The following CABLES1 variants were observed in gnomAD, a reference collection of about 807,000 sequenced individuals.
CABLES1 encodes Cdk5 and Abl enzyme substrate 1, also known as CDK5 and ABL1 enzyme substrate 1.
In CABLES1, 36 loss-of-function variants were observed where a neutral mutation model predicts 57.8. That is an observed-to-expected ratio of 0.62 (90% CI 0.48 to 0.82). The LOEUF is 0.82. Among genes scored for constraint, CABLES1 ranks in the 40% least tolerant of loss-of-function variants. The probability of loss-of-function intolerance (pLI) is 0.00; values close to 1 mark genes in which losing one functional copy is unlikely to be tolerated. For synonymous variants in CABLES1, 374 were observed against 363.0 expected (o/e 1.03, Z -0.35); for missense variants, 767 against 836.6 (o/e 0.92, Z 1.03).
intron 1 of CABLES1, among the ~76,000 whole-genome samples, chr18:23,139,985 T>A (rs912924968): frequency 1.3e-5 from 2 of 152,224 alleles, no homozygotes; most frequent in African/African-American, 4.8e-5. Flanking sequence ...CTAGCTTTGC[T>A]ATTTCACCAT....
chr18:23,217,602 C>T (rs1306580436), intron 4 of CABLES1, among the ~76,000 whole-genome samples: 1 of 152,142 alleles, frequency 6.6e-6, no homozygotes, highest in African/African-American at 2.4e-5. Context: ...ACCCACTTAA[C>T]CATAATTATG....
intron 1 of CABLES1, among the ~76,000 whole-genome samples, chr18:23,140,676 G>A (rs2046852475): frequency 6.6e-6 from 1 of 152,180 alleles, no homozygotes; most frequent in Admixed American, 6.5e-5. Flanking sequence ...GACCTCAGGT[G>A]ATCCACCTAC....
At chr18:23,208,692 C>T (rs2047382175) in intron 3 of CABLES1, among the ~76,000 whole-genome samples, 1 of 152,156 alleles carries the variant, frequency 6.6e-6, no homozygotes, top group Non-Finnish European at 1.5e-5. Flanking sequence ...TGTCCCTTTC[C>T]AGGGCTTCCC....
intron 1 of CABLES1, among the ~76,000 whole-genome samples, chr18:23,160,821 G>A (rs1276090762): frequency 6.6e-6 from 1 of 151,748 alleles, no homozygotes; most frequent in Non-Finnish European, 1.5e-5. Context: ...ATCACTTGAG[G>A]TCAGGAGTTT....
chr18:23,233,111 A>C (rs568446132), intron 4 of CABLES1, among the ~76,000 whole-genome samples: 1 of 152,324 alleles, frequency 6.6e-6, no homozygotes, highest in Admixed American at 6.5e-5. Context: ...ACTGGATGTC[A>C]GAACATGAAG....
intron 3 of CABLES1, among the ~76,000 whole-genome samples, chr18:23,196,426 C>A (rs1169150863): frequency 6.6e-6 from 1 of 152,040 alleles, no homozygotes; most frequent in Non-Finnish European, 1.5e-5. Flanking sequence ...GGTTTATTAG[C>A]AAGGAGGGAT....
intron 1 of CABLES1, among the ~76,000 whole-genome samples, chr18:23,181,844 CTG>C (rs1255136736): frequency 6.6e-6 from 1 of 152,212 alleles, no homozygotes; most frequent in East Asian, 1.9e-4. Flanking sequence ...TGTCTTGTGA[CTG>C]TGTTAATAAG....
intron 3 of CABLES1, among the ~76,000 whole-genome samples, chr18:23,203,137 C>G (rs1005462086): frequency 6.6e-6 from 1 of 152,138 alleles, no homozygotes; most frequent in Admixed American, 6.5e-5. Context: ...ACAGAGCCCT[C>G]GTTTCATGTG....
chr18:23,187,566 T>G (rs1432438556), intron 1 of CABLES1, among the ~76,000 whole-genome samples: 1 of 152,224 alleles, frequency 6.6e-6, no homozygotes, highest in Non-Finnish European at 1.5e-5. Context: ...TTTGTATTTT[T>G]AGTAAAGACA....
chr18:23,174,043 T>A (rs934375953), intron 1 of CABLES1, among the ~76,000 whole-genome samples: 5 of 152,236 alleles, frequency 3.3e-5, no homozygotes, highest in African/African-American at 1.2e-4. Flanking sequence ...CACCACTATC[T>A]AATTTTAGAA....
chr18:23,162,258 C>A lies in CABLES1; in HGVS notation c.845+25651C>A, dbSNP rs111610254. On this transcript the variant is annotated intron_variant, in intron 1 of 9. Transcript: ENST00000256925. ...CATAAAGGCCTACAATTTTAAAGTA[C>A]CAAGAAAACTTCAAGAAATTGTTCG... is the stretch of plus-strand genomic sequence containing the variant. 9.5e-3 allele frequency among the ~76,000 whole-genome samples: 1,443 copies of A among 152,040 alleles called. 19 individuals are homozygous for A. Among genetic ancestry groups the A allele is most frequent in the African/African-American group, 0.034 (1,394 of 41,450 alleles).
At chr18:23,248,512 C>CTTTTTTTTTTTTTTTTTTT (rs59555750) in intron 7 of CABLES1, among the ~76,000 whole-genome samples, 3 of 90,714 alleles carry the variant, frequency 3.3e-5, no homozygotes, top group Non-Finnish European at 6.4e-5. Context: ...GACCCTATGT[C>CTTTTTTTTTTTTTTTTTTT]TTTTTTTTTT....
At chr18:23,151,343 G>A (rs1484563889) in intron 1 of CABLES1, among the ~76,000 whole-genome samples, 3 of 152,280 alleles carry the variant, frequency 2.0e-5, no homozygotes, top group South Asian at 2.1e-4. Flanking sequence ...TTAAGGTCCC[G>A]CTAACTGCCA....
At chr18:23,137,331 G>A (rs2046829593) in intron 1 of CABLES1, among the ~76,000 whole-genome samples, 1 of 152,186 alleles carries the variant, frequency 6.6e-6, no homozygotes, top group South Asian at 2.1e-4. Context: ...AACATGAAAC[G>A]CTGGACGTTT....
chr18:23,217,077 GTTTTTTGTTT>G (rs984718363), intron 4 of CABLES1, among the ~76,000 whole-genome samples: 1 of 151,836 alleles, frequency 6.6e-6, no homozygotes, highest in Non-Finnish European at 1.5e-5. Context: ...TTTTTGTTTT[GTTTTTTGTTT>G]TTGTTTGTTT....
chr18:23,188,555 G>T (rs1423669550), intron 1 of CABLES1, among the ~76,000 whole-genome samples: 1 of 152,112 alleles, frequency 6.6e-6, no homozygotes, highest in East Asian at 1.9e-4. Context: ...GTGTGTGTGT[G>T]TGTGTGTGTG....
At chr18:23,183,539 C>G (rs1050966495) in intron 1 of CABLES1, among the ~76,000 whole-genome samples, 1 of 152,210 alleles carries the variant, frequency 6.6e-6, no homozygotes, top group Admixed American at 6.5e-5. Context: ...GAGCATTAAG[C>G]ATGAACTCCA....
chr18:23,154,776 C>A (rs1198082895), intron 1 of CABLES1, among the ~76,000 whole-genome samples: 1 of 152,182 alleles, frequency 6.6e-6, no homozygotes, highest in Non-Finnish European at 1.5e-5. Context: ...GCTCTCTTGC[C>A]TTTTGACACG....
chr18:23,163,332 C>T (rs1182587543), intron 1 of CABLES1, among the ~76,000 whole-genome samples: 1 of 152,154 alleles, frequency 6.6e-6, no homozygotes, highest in Admixed American at 6.6e-5. Context: ...ATTGGAAAAA[C>T]AGGTTTAGGC....
Sources: gnomAD v4.1 joint callset for allele counts (sites outside exome capture counted in the v4.1 genomes callset) on GRCh38, gnomAD v4.1.1 for gene constraint, MANE v1.5 for transcripts, NCBI Gene and HGNC (gene_info 2026-07-23, HGNC 2026-07-21) for gene names.